The following ANKRD20A1 variants were observed in gnomAD, a reference collection of about 807,000 sequenced individuals.
ANKRD20A1 encodes ankyrin repeat domain 20 family member A1.
Under a neutral mutation model 50.9 loss-of-function variants are expected in ANKRD20A1, and 2 were observed. The ratio of observed to expected loss-of-function variants is 0.04; its 90% CI spans 0.02 to 0.12. ANKRD20A1 has a LOEUF of 0.12. ANKRD20A1 is among the 10% of genes least tolerant of loss of function. ANKRD20A1 has a pLI of 1.00. For synonymous variants in ANKRD20A1, 10 were observed against 186.2 expected (o/e 0.05, Z 7.70); for missense variants, 31 against 548.1 (o/e 0.06, Z 9.42).
chr9:67,861,647 C>CT (rs1827503287), intron 1 of ANKRD20A1, among the ~76,000 whole-genome samples: 1 of 41,612 alleles, frequency 2.4e-5, no homozygotes, highest in South Asian at 8.2e-4. Context: ...CTCCTTGAAA[C>CT]TTTATCTCCC....
At chr9:67,884,192 A>G (rs1382076427) in intron 8 of ANKRD20A1, among the ~76,000 whole-genome samples, 8,828 of 140,696 alleles carry the variant, frequency 0.063, 275 homozygotes, top group Middle Eastern at 0.093. Context: ...TGAGCCCAGG[A>G]GTTTGAGACC....
At chr9:67,882,619 C>T (rs1344754206) in intron 8 of ANKRD20A1, among the ~76,000 whole-genome samples, 1 of 148,672 alleles carries the variant, frequency 6.7e-6, no homozygotes, top group Non-Finnish European at 1.5e-5. Flanking sequence ...ATTAAATATA[C>T]TTTTTCAAGC....
At chr9:67,882,897 T>G (rs1827822497) in intron 8 of ANKRD20A1, among the ~76,000 whole-genome samples, 1 of 150,854 alleles carries the variant, frequency 6.6e-6, no homozygotes, top group Non-Finnish European at 1.5e-5. Flanking sequence ...TTTGGTTTTT[T>G]GTCCTTGCGA....
Position 67,859,012 on chromosome 9 carries a change from GC to G in ANKRD20A1, c.-414del, listed in dbSNP as rs1411714214. The G allele has an allele frequency of 6.2e-5, 2 of 32,090 alleles. 1 individual carries two copies. Among genetic ancestry groups the G allele is most frequent in the African/African-American group, 4.0e-4 (2 of 5,028 alleles). 2.0% of individuals were successfully genotyped at this position (32,090 alleles called of 1,614,324 possible). On this transcript the variant is annotated 5_prime_UTR_variant, in exon 1 of 15. Coordinates refer to ENST00000562196, the MANE Select transcript of ANKRD20A1 (RefSeq NM_032250.5). ...CCCAGGAGAACCGGCGAGCCCATCG[GC>G]GCACGCCCAGAGCTGCAGCCCCACC...
At chr9:67,871,599 A>G (rs1827647700) in intron 6 of ANKRD20A1, among the ~76,000 whole-genome samples, 1 of 138,182 alleles carries the variant, frequency 7.2e-6, no homozygotes, top group Non-Finnish European at 1.6e-5. Flanking sequence ...CTTGTTATAC[A>G]AATGGATCTT....
intron 6 of ANKRD20A1, among the ~76,000 whole-genome samples, chr9:67,877,144 G>T (rs7466154): frequency 3.3e-5 from 2 of 60,242 alleles, no homozygotes; most frequent in African/African-American, 8.0e-5. Context: ...CTTTCTGCAC[G>T]TATAGTGGAT....
intron 9 of ANKRD20A1, among the ~76,000 whole-genome samples, chr9:67,885,609 A>G (rs1198725483): frequency 6.6e-6 from 1 of 152,310 alleles, no homozygotes; most frequent in African/African-American, 2.4e-5. Flanking sequence ...TAGAAACATT[A>G]TGGCTTATAA....
intron 8 of ANKRD20A1, among the ~76,000 whole-genome samples, chr9:67,881,151 C>A (rs1827787340): frequency 6.7e-6 from 1 of 150,258 alleles, no homozygotes; most frequent in African/African-American, 2.4e-5. Flanking sequence ...TGGTGGTGTA[C>A]ACCTGTAGTC....
chr9:67,871,810 A>G (rs1827653522), intron 6 of ANKRD20A1, among the ~76,000 whole-genome samples: 1 of 143,406 alleles, frequency 7.0e-6, no homozygotes, highest in Admixed American at 7.0e-5. Context: ...ATGAACACCT[A>G]TTTTGTTTGT....
chr9:67,882,190 T>C (rs1415961457), intron 8 of ANKRD20A1, among the ~76,000 whole-genome samples: 6 of 149,932 alleles, frequency 4.0e-5, no homozygotes, highest in African/African-American at 1.5e-4. Flanking sequence ...TTTTGCCTTG[T>C]TGCCCAGGCT....
intron 11 of ANKRD20A1, among the ~76,000 whole-genome samples, chr9:67,891,341 A>G (rs1587605374): frequency 7.8e-6 from 1 of 128,810 alleles, no homozygotes; most frequent in South Asian, 2.7e-4. Context: ...CAACCACCAC[A>G]AAACCCAAAT....
intron 8 of ANKRD20A1, among the ~76,000 whole-genome samples, chr9:67,881,370 A>G (rs1332717317): frequency 6.7e-6 from 1 of 149,664 alleles, no homozygotes; most frequent in East Asian, 2.0e-4. Context: ...ATCTAATTGA[A>G]TAACATGTAT....
At chr9:67,883,013 C>T (rs1827824574) in intron 8 of ANKRD20A1, among the ~76,000 whole-genome samples, 1 of 151,236 alleles carries the variant, frequency 6.6e-6, no homozygotes, top group African/African-American at 2.4e-5. Context: ...ATATGTGCCA[C>T]ATTGTCTTAA....
chr9:67,865,515 A>G (rs1420503734), intron 3 of ANKRD20A1, among the ~76,000 whole-genome samples: 1 of 145,452 alleles, frequency 6.9e-6, no homozygotes, highest in African/African-American at 2.6e-5. Context: ...TAACACATTA[A>G]TAGCGAATAT....
chr9:67,881,642 A>G (rs1368784039), intron 8 of ANKRD20A1, among the ~76,000 whole-genome samples: 4 of 152,286 alleles, frequency 2.6e-5, no homozygotes, highest in Non-Finnish European at 5.9e-5. Flanking sequence ...CAAAAGCAGA[A>G]AAATTAACCA....
intron 7 of ANKRD20A1, among the ~76,000 whole-genome samples, chr9:67,878,844 G>A (rs1827766595): frequency 1.2e-5 from 1 of 80,802 alleles, no homozygotes; most frequent in African/African-American, 3.2e-5. Flanking sequence ...ACAAACAGGA[G>A]TGAGTCTGTG....
At chr9:67,882,347 T>C (rs1331481283) in intron 8 of ANKRD20A1, among the ~76,000 whole-genome samples, 1 of 150,256 alleles carries the variant, frequency 6.7e-6, no homozygotes, top group South Asian at 2.1e-4. Flanking sequence ...ATAAGTAATA[T>C]AATAAACCTA....
At chr9:67,891,291 T>C (rs1334152167) in intron 11 of ANKRD20A1, among the ~76,000 whole-genome samples, 1 of 140,420 alleles carries the variant, frequency 7.1e-6, no homozygotes, top group African/African-American at 2.6e-5. Context: ...TGAAACTCCA[T>C]CTCAAACAAC....
intron 6 of ANKRD20A1, among the ~76,000 whole-genome samples, chr9:67,875,606 TA>T (rs1225821927): frequency 6.6e-6 from 1 of 151,924 alleles, no homozygotes; most frequent in African/African-American, 2.4e-5. Flanking sequence ...GACAAGTGTA[TA>T]ATGACATGAC....
Sources: allele counts gnomAD v4.1 joint callset (sites outside exome capture counted in the v4.1 genomes callset), GRCh38; gene constraint gnomAD v4.1.1; transcripts MANE v1.5; gene names NCBI Gene and HGNC (gene_info 2026-07-23, HGNC 2026-07-21).